TRPC3: variants seen among roughly 807,000 people sequenced by gnomAD.
The protein encoded by TRPC3 is short transient receptor potential channel 3.
Under a neutral mutation model 90.9 loss-of-function variants are expected in TRPC3, and 54 were observed. That is an observed-to-expected ratio of 0.59 (90% CI 0.48 to 0.75). The LOEUF (loss-of-function observed/expected upper bound fraction) is 0.75, where lower values mean the gene tolerates loss of function less well. TRPC3 is among the 30% of genes least tolerant of loss of function. The pLI is 0.00. For synonymous variants in TRPC3, 424 were observed against 450.9 expected, an observed-to-expected ratio of 0.94 and a Z score of 0.75; for missense variants, 918 against 1,194.5, an observed-to-expected ratio of 0.77 and a Z score of 3.41.
chr4:121,947,154 A>C (rs1318327885), intron 1 of TRPC3, among the ~76,000 whole-genome samples: 3 of 143,926 alleles, frequency 2.1e-5, no homozygotes, highest in Non-Finnish European at 1.5e-5. Flanking sequence ...ACTGCACTCC[A>C]GCCTAGGTGA....
chr4:121,889,233 C>T (rs1438334286), intron 10 of TRPC3, among the ~76,000 whole-genome samples: 1 of 152,078 alleles, frequency 6.6e-6, no homozygotes, highest in Non-Finnish European at 1.5e-5. Context: ...CTGGTCTGGG[C>T]AAGGAGTTTT....
intron 5 of TRPC3, 34 bp downstream of exon 5, chr4:121,911,843 G>A: frequency 6.5e-7 from 1 of 1,542,250 alleles, no homozygotes; most frequent in Non-Finnish European, 8.8e-7. Context: ...TTACCTTTTG[G>A]TAGAAATTAG....
At chr4:121,943,514 T>C (rs1239293480) in intron 1 of TRPC3, among the ~76,000 whole-genome samples, 3 of 152,140 alleles carry the variant, frequency 2.0e-5, no homozygotes, top group Non-Finnish European at 2.9e-5. Flanking sequence ...TAATTAGTAA[T>C]TAAACAAATC....
At chr4:121,929,131 G>T (rs1056424104) in intron 2 of TRPC3, among the ~76,000 whole-genome samples, 2 of 152,146 alleles carry the variant, frequency 1.3e-5, no homozygotes, top group African/African-American at 4.8e-5. Flanking sequence ...CATTATATTA[G>T]ATATAATACC....
chr4:121,882,411 T>G lies in TRPC3; in HGVS notation c.2566A>C (p.Ile856Leu). 3 of 1,610,704 alleles carry G rather than the reference T, an allele frequency of 1.9e-6. No individual in the cohort carries two copies. The highest frequency in any genetic ancestry group is 2.5e-6 in the Non-Finnish European group (3 of 1,178,674). ...TGTGCTTTCAAAACATACCGCTTTA[T>G]AAGTCTTTTCATTATCTGCTGTTGG... is the stretch of plus-strand genomic sequence containing the variant. Reference protein sequence around the residue: ...TRYQQIMKRLIKRYVLKAQVD... With the variant: ...TRYQQIMKRLLKRYVLKAQVD... The change falls in exon 11 of 12, where the codon ATA becomes CTA. Residue 856 changes from isoleucine (I) to leucine (L), a missense_variant. Physicochemically the swap from Ile to Leu is conservative, Grantham distance 5. Coordinates refer to ENST00000379645, the MANE Select transcript of TRPC3 (RefSeq NM_001130698.2).
Position 121,882,404 on chromosome 4 carries a change from C to A in TRPC3, c.2573G>T (p.Arg858Leu). The A allele has an allele frequency of 1.2e-6, 2 of 1,610,214 alleles. No homozygotes were observed. Among genetic ancestry groups the A allele is most frequent in the Non-Finnish European group, 1.7e-6 (2 of 1,178,504 alleles). The stretch of plus-strand genomic sequence containing the variant: ...GTCTACTTGTGCTTTCAAAACATAC[C>A]GCTTTATAAGTCTTTTCATTATCTG... ...YQQIMKRLIK[R>L]YVLKAQVDKE... The change falls in exon 11 of 12, where the codon CGG (arginine) becomes CTG (leucine). Residue 858 changes from arginine to leucine, a missense_variant. Around this residue, in one of 4 missense-constraint regions of TRPC3, gnomAD observed 121 missense variants for 135.7 expected, o/e 0.89. Transcript: ENST00000379645.
chr4:121,946,596 T>C (rs968577585), intron 1 of TRPC3, among the ~76,000 whole-genome samples: 7 of 152,158 alleles, frequency 4.6e-5, no homozygotes, highest in Admixed American at 1.3e-4. Flanking sequence ...GGGAGAATAA[T>C]AGATACATGT....
At chr4:121,893,577 T>A (rs982298172) in intron 10 of TRPC3, among the ~76,000 whole-genome samples, 11 of 151,914 alleles carry the variant, frequency 7.2e-5, no homozygotes, top group Admixed American at 3.9e-4. Context: ...TATTAAATAA[T>A]CTCCTATGGG....
chr4:121,903,056 G>A lies in TRPC3; in HGVS notation c.2259C>T (p.Asp753=), dbSNP rs1382952692. ...INSSYQEIED[D]SDVEWKFARS... is the part of the protein sequence containing the mutation. ...GAGCAAACTTCCATTCTACATCACTGTCATCCTGTGTCACAAAAATAGAAA... is the reference window on the plus strand; with the variant it reads ...GAGCAAACTTCCATTCTACATCACTATCATCCTGTGTCACAAAAATAGAAA... The change falls in exon 9 of 12, where the codon GAC becomes GAT. Residue 753 remains aspartate (D), a synonymous_variant. Coordinates refer to ENST00000379645, the MANE Select transcript of TRPC3 (RefSeq NM_001130698.2). 3.8e-6 allele frequency: 6 copies of A among 1,591,598 alleles called. No individual in the cohort carries two copies. The highest frequency in any genetic ancestry group is 4.3e-6 in the Non-Finnish European group (5 of 1,171,950).
chr4:121,884,500 T>C (rs1287315732), intron 10 of TRPC3, among the ~76,000 whole-genome samples: 1 of 152,050 alleles, frequency 6.6e-6, no homozygotes, highest in Admixed American at 6.6e-5. Flanking sequence ...ATGTTGTATA[T>C]AAAAGATAAC....
rs1279207688 is a variant in TRPC3, at chr4:121,948,847, T to TTTTG, written c.215+2615_215+2618dup. The stretch of plus-strand genomic sequence containing the variant: ...CCTTTATAACTCTTTGCGGTTTTTT[T>TTTTG]TTTGTTTTTTTGTTTTTGTTGTTGT... On this transcript the variant is annotated intron_variant, in intron 1 of 11. Transcript: ENST00000379645. Among the ~76,000 whole-genome samples, 177 of 137,410 alleles carry TTTTG rather than the reference T, an allele frequency of 1.3e-3. 1 individual carries two copies. Among genetic ancestry groups the TTTTG allele is most frequent in the African/African-American group, 4.5e-3 (169 of 37,398 alleles). 90.1% of individuals were successfully genotyped at this position (137,410 alleles called of 152,430 possible).
Position 121,951,396 on chromosome 4 carries a change from C to T in TRPC3, c.215+70G>A, listed in dbSNP as rs753434527. 2 of 1,050,364 alleles carry T rather than the reference C, an allele frequency of 1.9e-6. No homozygotes were observed. Among genetic ancestry groups the T allele is most frequent in the Non-Finnish European group, 2.4e-6 (2 of 850,774 alleles). The allele number at this position is 1,050,364 out of a possible 1,614,324, so 65.1% of individuals were successfully genotyped here. On this transcript the variant is annotated intron_variant, in intron 1 of 11. Coordinates refer to ENST00000379645, the MANE Select transcript of TRPC3 (RefSeq NM_001130698.2). The surrounding 1 kb of genome is among the most constrained non-coding windows in gnomAD (Gnocchi z 4.4). Reference sequence around the variant, plus strand: ...CCGGGCTCGACGTGGAGCCGCCCGGCGCGCGCCTTCCCGCCCCCCGCCCGG... The same window carrying T: ...CCGGGCTCGACGTGGAGCCGCCCGGTGCGCGCCTTCCCGCCCCCCGCCCGG...
chr4:121,888,954 A>G (rs1008527582), intron 10 of TRPC3, among the ~76,000 whole-genome samples: 1 of 152,218 alleles, frequency 6.6e-6, no homozygotes, highest in Admixed American at 6.5e-5. Flanking sequence ...CTTTTCTGCC[A>G]TATGAGACAG....
chr4:121,927,189 T>C (rs528050701), intron 2 of TRPC3, among the ~76,000 whole-genome samples: 3 of 152,190 alleles, frequency 2.0e-5, no homozygotes, highest in Non-Finnish European at 4.4e-5. Flanking sequence ...ACTAACACAT[T>C]GCTAAAAATA....
intron 10 of TRPC3, among the ~76,000 whole-genome samples, chr4:121,895,397 A>T (rs1487656384): frequency 6.6e-6 from 1 of 152,134 alleles, no homozygotes; most frequent in African/African-American, 2.4e-5. Flanking sequence ...TCAACAAAAC[A>T]AAGTTTTTTT....
At chr4:121,911,012 T>C (rs560096923) in intron 5 of TRPC3, among the ~76,000 whole-genome samples, 3 of 152,280 alleles carry the variant, frequency 2.0e-5, no homozygotes, top group Admixed American at 2.0e-4. Flanking sequence ...GACAAAATAG[T>C]ACAACTTAAC....
chr4:121,893,252 A>G (rs1240069758), intron 10 of TRPC3, among the ~76,000 whole-genome samples: 1 of 152,030 alleles, frequency 6.6e-6, no homozygotes, highest in Non-Finnish European at 1.5e-5. Context: ...ATGCACATGT[A>G]TGTGTGTTTT....
chr4:121,940,538 T>C (rs1730272766), intron 1 of TRPC3, among the ~76,000 whole-genome samples: 1 of 152,218 alleles, frequency 6.6e-6, no homozygotes, highest in South Asian at 2.1e-4. Flanking sequence ...CTGAACACAC[T>C]GTTATTTCTG....
At chr4:121,920,439 G>A (rs1423484959) in intron 3 of TRPC3, among the ~76,000 whole-genome samples, 2 of 152,004 alleles carry the variant, frequency 1.3e-5, no homozygotes, top group African/African-American at 2.4e-5. Context: ...CAGGAAAATT[G>A]CTTGAACCTG....
Sources: gnomAD v4.1 joint callset for allele counts (sites outside exome capture counted in the v4.1 genomes callset) on GRCh38, gnomAD v4.1.1 for gene constraint, gnomAD v4.1.1 regional missense constraint, Gnocchi (gnomAD v3.1) non-coding constraint, MANE v1.5 for transcripts, NCBI Gene and HGNC (gene_info 2026-07-23, HGNC 2026-07-21) for gene names.